Variants in COTL1 observed in about 807,000 individuals in gnomAD.
COTL1 encodes the protein coactosin like F-actin binding protein 1.
In COTL1, 15 loss-of-function variants were observed where a neutral mutation model predicts 16.5. That is an observed-to-expected ratio of 0.91 (90% CI 0.61 to 1.40). COTL1 has a LOEUF of 1.40. Ranked by LOEUF, COTL1 falls within the 40% of genes most tolerant of loss-of-function variation. COTL1 has a pLI of 0.00. For missense variants in COTL1, 220 were observed against 201.5 expected (o/e 1.09, Z -0.56); for synonymous variants, 112 against 85.3 (o/e 1.31, Z -1.73).
intron 3 of COTL1, among the ~76,000 whole-genome samples, chr16:84,573,665 G>C (rs1904382763): frequency 6.6e-6 from 1 of 151,554 alleles, no homozygotes; most frequent in Non-Finnish European, 1.5e-5. Context: ...GCTTGAACCG[G>C]GGAGGCGGAA....
At chr16:84,584,868 C>T (rs946387831) in intron 3 of COTL1, among the ~76,000 whole-genome samples, 2 of 152,174 alleles carry the variant, frequency 1.3e-5, no homozygotes, top group Non-Finnish European at 2.9e-5. Context: ...GGTGACTGAG[C>T]CCAGAGAGGG....
At chr16:84,604,948 G>A (rs184886830) in intron 2 of COTL1, among the ~76,000 whole-genome samples, 170 of 152,376 alleles carry the variant, frequency 1.1e-3, no homozygotes, top group African/African-American at 3.8e-3. Flanking sequence ...CTCCAAAGGC[G>A]AGCCCTGCAG....
At chr16:84,603,612 G>A (rs1258501140) in intron 2 of COTL1, among the ~76,000 whole-genome samples, 3 of 152,174 alleles carry the variant, frequency 2.0e-5, no homozygotes, top group African/African-American at 7.2e-5. Flanking sequence ...TAAGGACAAG[G>A]CGGCCTTGGG....
chr16:84,602,871 G>A (rs917031693), intron 2 of COTL1, among the ~76,000 whole-genome samples: 2 of 151,900 alleles, frequency 1.3e-5, no homozygotes, highest in African/African-American at 2.4e-5. Context: ...AAAAGTGCAT[G>A]GAAAGGGAAG....
chr16:84,607,184 C>G (rs1206568607), intron 2 of COTL1, among the ~76,000 whole-genome samples: 1 of 152,146 alleles, frequency 6.6e-6, no homozygotes, highest in East Asian at 1.9e-4. Context: ...TACGGGACAC[C>G]AACACCACAA....
chr16:84,609,538 G>A (rs1195329724), intron 2 of COTL1, among the ~76,000 whole-genome samples: 1 of 152,176 alleles, frequency 6.6e-6, no homozygotes, highest in African/African-American at 2.4e-5. Context: ...CTGTGATGGG[G>A]GCCTCACTTT....
At chr16:84,597,327 C>G (rs1041081720) in intron 2 of COTL1, among the ~76,000 whole-genome samples, 2 of 152,192 alleles carry the variant, frequency 1.3e-5, no homozygotes, top group Admixed American at 6.5e-5. Context: ...GAGGGCAGCA[C>G]AGATCGCAGT....
At chr16:84,595,105 C>A (rs1229427197) in intron 2 of COTL1, 1 of 152,244 alleles carries the variant, frequency 6.6e-6, no homozygotes, top group Non-Finnish European at 1.5e-5. Context: ...AGCCCAGGGC[C>A]TGGCACAAGA....
In COTL1 at chr16:84,587,795, T is replaced by TTTA. The variant is rs756455144; in HGVS notation, c.318+2309_318+2310insTAA. ...CATTATTTATTTATTTATTTATTTA[T>TTTA]TTTATTTATTTTTTTGGAGACTCGC... On this transcript the variant is annotated intron_variant, in intron 3 of 3. Transcript: ENST00000262428. 4.6e-5 allele frequency among the ~76,000 whole-genome samples: 7 copies of TTTA among 151,350 alleles called. No individual in the cohort carries two copies. In the East Asian group the frequency reaches 5.8e-4, roughly 13 times the overall value.
intron 2 of COTL1, among the ~76,000 whole-genome samples, chr16:84,615,746 C>T (rs1374091273): frequency 6.6e-6 from 1 of 152,154 alleles, no homozygotes; most frequent in East Asian, 1.9e-4. Context: ...TCCTGCCCTG[C>T]CAACTCTCCA....
intron 3 of COTL1, among the ~76,000 whole-genome samples, chr16:84,572,192 C>T (rs1904349565): frequency 6.6e-6 from 1 of 152,246 alleles, no homozygotes; most frequent in South Asian, 2.1e-4. Context: ...GGCAGACAGA[C>T]TCTGACTTGG....
In COTL1 at chr16:84,590,158, G is replaced by C. The variant is rs759023438; in HGVS notation, c.265C>G (p.Leu89Val). 7.4e-6 allele frequency: 12 copies of C among 1,614,036 alleles called. No individual in the cohort carries two copies. Among genetic ancestry groups the C allele is most frequent in the Non-Finnish European group, 9.3e-6 (11 of 1,180,002 alleles). The stretch of plus-strand genomic sequence containing the variant: ...TCCGTCCCGGTTTTGGCGCGCTGCA[G>C]CCCGCTGACGTTCTCACCGATCCAC... ...ITWIGENVSG[L>V]QRAKTGTDKT... is the part of the protein sequence containing the mutation. Residue 89 changes from leucine (L) to valine (V), a missense_variant, in exon 3 of 4, where the codon CTG (leucine) becomes GTG (valine). Physicochemically the swap from Leu to Val is conservative, Grantham distance 32. Transcript: ENST00000262428. This position sits in a 1 kb window ranked among gnomAD's most constrained non-coding sequence, Gnocchi z 5.5.
At chr16:84,615,543 G>T (rs954786505) in intron 2 of COTL1, among the ~76,000 whole-genome samples, 2 of 152,198 alleles carry the variant, frequency 1.3e-5, no homozygotes, top group African/African-American at 4.8e-5. Flanking sequence ...TGGGTGACCA[G>T]CGGGAGGAAA....
At chr16:84,599,540 C>G (rs1905071426) in intron 2 of COTL1, among the ~76,000 whole-genome samples, 1 of 152,142 alleles carries the variant, frequency 6.6e-6, no homozygotes, top group African/African-American at 2.4e-5. Context: ...ATCACCATGC[C>G]AGGCATGTCA....
At chr16:84,602,034 C>G (rs1200836842) in intron 2 of COTL1, among the ~76,000 whole-genome samples, 3 of 152,128 alleles carry the variant, frequency 2.0e-5, no homozygotes, top group Admixed American at 1.3e-4. Context: ...TTGCTCAGCC[C>G]TACTCCAGGA....
At chr16:84,598,870 A>G (rs1905059709) in intron 2 of COTL1, among the ~76,000 whole-genome samples, 1 of 151,024 alleles carries the variant, frequency 6.6e-6, no homozygotes, top group African/African-American at 2.4e-5. Context: ...GGGGGTGATC[A>G]GGCTGGAGCT....
intron 3 of COTL1, among the ~76,000 whole-genome samples, chr16:84,586,449 T>A: frequency 6.6e-6 from 1 of 152,090 alleles, no homozygotes; most frequent in East Asian, 1.9e-4. Context: ...GCAGACTGCC[T>A]TAGTGGGTAT....
At chr16:84,569,477 G>A (rs11640701) in intron 3 of COTL1, among the ~76,000 whole-genome samples, 31,308 of 152,044 alleles carry the variant, frequency 0.21, 3,792 homozygotes, top group Non-Finnish European at 0.28. Flanking sequence ...TGCATTTGGC[G>A]CGCAAAGCCA....
chr16:84,604,567 G>A (rs952376691), intron 2 of COTL1, among the ~76,000 whole-genome samples: 8 of 152,036 alleles, frequency 5.3e-5, no homozygotes, highest in African/African-American at 1.9e-4. Flanking sequence ...GTTTATATGT[G>A]TTGGGGGGAT....
Sources: allele counts gnomAD v4.1 joint callset (sites outside exome capture counted in the v4.1 genomes callset), GRCh38; gene constraint gnomAD v4.1.1; non-coding constraint Gnocchi (gnomAD v3.1); transcripts MANE v1.5; gene names NCBI Gene and HGNC (gene_info 2026-07-23, HGNC 2026-07-21).